Variants in NDUFS4 observed in about 807,000 individuals in gnomAD.
NDUFS4 encodes the protein NADH dehydrogenase [ubiquinone] iron-sulfur protein 4, mitochondrial.
In NDUFS4, 28 loss-of-function variants were observed where a neutral mutation model predicts 24.3. The observed-to-expected ratio is 1.15, with a 90% CI of 0.85 to 1.58. NDUFS4 has a LOEUF of 1.58. Among genes scored for constraint, NDUFS4 ranks in the 40% most tolerant of loss-of-function variants. The probability of loss-of-function intolerance (pLI) is 0.00; values close to 1 mark genes in which losing one functional copy is unlikely to be tolerated. For missense variants in NDUFS4, 223 were observed against 207.9 expected (o/e 1.07, Z -0.45); for synonymous variants, 93 against 69.7 (o/e 1.34, Z -1.67).
chr5:53,561,692 G>T (rs1748851100), intron 1 of NDUFS4, among the ~76,000 whole-genome samples: 1 of 152,132 alleles, frequency 6.6e-6, no homozygotes, highest in Non-Finnish European at 1.5e-5. Context: ...GTTAAAAGTT[G>T]AAAGGAAGGT....
chr5:53,681,323 T>TTACTTCATA (rs1422306640), intron 4 of NDUFS4, among the ~76,000 whole-genome samples: 4 of 152,048 alleles, frequency 2.6e-5, no homozygotes, highest in Non-Finnish European at 5.9e-5. Flanking sequence ...GGGAATAATA[T>TTACTTCATA]TACTTCATAT....
intron 2 of NDUFS4, among the ~76,000 whole-genome samples, chr5:53,635,187 TTAAATAAATAAA>T (rs59403372): frequency 6.7e-6 from 1 of 149,432 alleles, no homozygotes; most frequent in Non-Finnish European, 1.5e-5. Context: ...AAAAACTCTG[TTAAATAAATAAA>T]TAAATAAATA....
chr5:53,661,067 T>A (rs2112525316), intron 4 of NDUFS4, among the ~76,000 whole-genome samples: 1 of 152,364 alleles, frequency 6.6e-6, no homozygotes, highest in East Asian at 1.9e-4. Flanking sequence ...AGACATGAAG[T>A]CCTTGCCCAT....
intron 4 of NDUFS4, among the ~76,000 whole-genome samples, chr5:53,668,437 G>C (rs1428490248): frequency 6.6e-6 from 1 of 151,810 alleles, no homozygotes; most frequent in Non-Finnish European, 1.5e-5. Flanking sequence ...AGATTCAGTT[G>C]CTTTCTGGAA....
chr5:53,570,679 T>C (rs1157303354), intron 1 of NDUFS4, among the ~76,000 whole-genome samples: 1 of 132,974 alleles, frequency 7.5e-6, no homozygotes, highest in Admixed American at 8.0e-5. Flanking sequence ...ATTGTATTTT[T>C]TTTTCTTTTT....
At chr5:53,610,982 G>A (rs2112466577) in intron 2 of NDUFS4, among the ~76,000 whole-genome samples, 1 of 152,098 alleles carries the variant, frequency 6.6e-6, no homozygotes, top group South Asian at 2.1e-4. Context: ...TCTCTTTTGT[G>A]TGCTGTTATC....
chr5:53,634,641 G>A (rs2607511), intron 2 of NDUFS4, among the ~76,000 whole-genome samples: 118,653 of 151,410 alleles, frequency 0.78, 46,610 homozygotes, highest in African/African-American at 0.83. Flanking sequence ...TTCCTTCCCT[G>A]TGGGTCTTGC....
At chr5:53,583,313 T>C (rs1332660983) in intron 1 of NDUFS4, among the ~76,000 whole-genome samples, 1 of 152,206 alleles carries the variant, frequency 6.6e-6, no homozygotes, top group Non-Finnish European at 1.5e-5. Context: ...ATAATACTAT[T>C]GCAAACTTTA....
intron 1 of NDUFS4, among the ~76,000 whole-genome samples, chr5:53,566,187 A>G (rs1370874731): frequency 6.6e-6 from 1 of 152,112 alleles, no homozygotes; most frequent in African/African-American, 2.4e-5. Context: ...TTAATAATAC[A>G]CGGAACTTAA....
At chr5:53,581,678 CCAT>C (rs1749571090) in intron 1 of NDUFS4, among the ~76,000 whole-genome samples, 1 of 152,036 alleles carries the variant, frequency 6.6e-6, no homozygotes, top group Admixed American at 6.6e-5. Context: ...GGCAGTTTAA[CCAT>C]CATTTTCTTT....
At chr5:53,679,207 G>GAAAC (rs1298975215) in intron 4 of NDUFS4, among the ~76,000 whole-genome samples, 1 of 151,658 alleles carries the variant, frequency 6.6e-6, no homozygotes, top group Non-Finnish European at 1.5e-5. Flanking sequence ...TGCAACTTTG[G>GAAAC]AAACAAAGTT....
intron 4 of NDUFS4, among the ~76,000 whole-genome samples, chr5:53,672,812 A>G (rs1368462327): frequency 6.6e-6 from 1 of 152,108 alleles, no homozygotes; most frequent in African/African-American, 2.4e-5. Flanking sequence ...CTCTTGAGCT[A>G]GGAAACCACA....
At chr5:53,589,671 A>G (rs1328991996) in intron 1 of NDUFS4, among the ~76,000 whole-genome samples, 1 of 152,142 alleles carries the variant, frequency 6.6e-6, no homozygotes, top group Non-Finnish European at 1.5e-5. Flanking sequence ...TGTGTCTGTG[A>G]GGGTGTTGCC....
chr5:53,621,910 C>G (rs1751049624), intron 2 of NDUFS4, among the ~76,000 whole-genome samples: 1 of 151,870 alleles, frequency 6.6e-6, no homozygotes, highest in Non-Finnish European at 1.5e-5. Context: ...CCGTGTTAGC[C>G]AGGATGGTCT....
chr5:53,648,985 A>G (rs1350717738), intron 3 of NDUFS4, among the ~76,000 whole-genome samples: 2 of 152,228 alleles, frequency 1.3e-5, no homozygotes, highest in African/African-American at 4.8e-5. Flanking sequence ...ATCCTCTTCC[A>G]TAAGGTATGG....
At position 53,683,256 on chromosome 5, in the gene NDUFS4, T is replaced by TAAAGTC; in HGVS notation, c.*37_*42dup. 1 of 1,401,248 alleles carries TAAAGTC rather than the reference T, an allele frequency of 7.1e-7. No individual in the cohort carries two copies. The highest frequency in any genetic ancestry group is 1.2e-5 in the South Asian group (1 of 86,766). 86.8% of individuals were successfully genotyped at this position (1,401,248 alleles called of 1,614,324 possible). On this transcript the variant is annotated 3_prime_UTR_variant, in exon 5 of 5. Transcript: ENST00000296684. ...GACTATATCTCTGCTTGACTGTGAA[T>TAAAGTC]AAAGTCAGCTGTGCAGTATTTATAG...
At chr5:53,586,280 G>A (rs2112435056) in intron 1 of NDUFS4, among the ~76,000 whole-genome samples, 1 of 142,412 alleles carries the variant, frequency 7.0e-6, no homozygotes, top group Admixed American at 7.4e-5. Flanking sequence ...AGTGAGCCGA[G>A]ATCACGCCAT....
chr5:53,629,472 A>C (rs1265836328), intron 2 of NDUFS4, among the ~76,000 whole-genome samples: 2 of 152,116 alleles, frequency 1.3e-5, no homozygotes, highest in Non-Finnish European at 2.9e-5. Context: ...TAATATTGAC[A>C]GTGGTGTGTT....
Position 53,568,183 on chromosome 5 carries a change from C to T in NDUFS4, c.98+7423C>T, listed in dbSNP as rs114399055. 8.3e-3 allele frequency among the ~76,000 whole-genome samples: 1,267 copies of T among 152,116 alleles called. 19 individuals carry two copies. Among genetic ancestry groups the T allele is most frequent in the African/African-American group, 0.029 (1,184 of 41,532 alleles). On this transcript the variant is annotated intron_variant, in intron 1 of 4. Coordinates refer to ENST00000296684, the MANE Select transcript of NDUFS4 (RefSeq NM_002495.4). Reference sequence around the variant, plus strand: ...CTCAAAGGTAACCTTTTCTTCTTGTCTGTACTCACTAGACTTAATTTTTCT... The same window carrying T: ...CTCAAAGGTAACCTTTTCTTCTTGTTTGTACTCACTAGACTTAATTTTTCT...
Sources: gnomAD v4.1 joint callset for allele counts (sites outside exome capture counted in the v4.1 genomes callset) on GRCh38, gnomAD v4.1.1 for gene constraint, MANE v1.5 for transcripts, NCBI Gene and HGNC (gene_info 2026-07-23, HGNC 2026-07-21) for gene names.